The following EML6 variants were observed in gnomAD, a reference collection of about 807,000 sequenced individuals.
EML6 encodes the protein echinoderm microtubule-associated protein-like 6.
In EML6, 154 loss-of-function variants were observed where a neutral mutation model predicts 240.1. The ratio of observed to expected loss-of-function variants is 0.64; its 90% CI spans 0.56 to 0.73. EML6 has a LOEUF of 0.73. Among genes scored for constraint, EML6 ranks in the 30% least tolerant of loss-of-function variants. The pLI is 0.00. For missense variants in EML6, 2,964 were observed against 2,474.6 expected (o/e 1.20, Z -4.20); for synonymous variants, 1,148 against 899.0 (o/e 1.28, Z -4.95).
chr2:54,808,368 T>C (rs565912141), intron 2 of EML6, among the ~76,000 whole-genome samples: 9 of 152,246 alleles, frequency 5.9e-5, no homozygotes, highest in Non-Finnish European at 1.3e-4. Flanking sequence ...CCCCCTTCAA[T>C]CCCCAAAGCA....
chr2:54,737,588 C>T (rs1683453667), intron 2 of EML6, among the ~76,000 whole-genome samples: 3 of 152,192 alleles, frequency 2.0e-5, no homozygotes, highest in Non-Finnish European at 2.9e-5. Flanking sequence ...CATCTTTTCT[C>T]TCCTTTTCTC....
intron 28 of EML6, among the ~76,000 whole-genome samples, chr2:54,934,045 C>A (rs974419535): frequency 1.3e-4 from 20 of 152,246 alleles, no homozygotes; most frequent in African/African-American, 4.6e-4. Context: ...TGGTCCATAG[C>A]GTATTGTCTT....
chr2:54,796,696 G>A (rs77906075), intron 2 of EML6, among the ~76,000 whole-genome samples: 1,933 of 152,172 alleles, frequency 0.013, 24 homozygotes, highest in African/African-American at 0.033. Flanking sequence ...AGCATACTAG[G>A]CATCCAGAAA....
At position 54,725,058 on chromosome 2, in the gene EML6, TATC is replaced by T. The variant is rs1682844989; in HGVS notation, c.-1_2del. On this transcript the variant is annotated 5_prime_UTR_variant, in exon 2 of 42. Transcript: ENST00000356458. The surrounding 1 kb of genome is among the most constrained non-coding windows in gnomAD (Gnocchi z 4.3). ...GGGCGGGGGGCGCGCGGGGTCGGCT[TATC>T]ATGGCGGATCGGACGGCGCCCCGCT... 1 of 1,516,250 alleles carries T rather than the reference TATC, an allele frequency of 6.6e-7. No individual in the cohort carries two copies. Among genetic ancestry groups the T allele is most frequent in the Non-Finnish European group, 8.8e-7 (1 of 1,132,720 alleles). 93.9% of individuals were successfully genotyped at this position (1,516,250 alleles called of 1,614,324 possible).
chr2:54,806,611 CCAAAA>C (rs1670499967), intron 2 of EML6, among the ~76,000 whole-genome samples: 1 of 31,500 alleles, frequency 3.2e-5, no homozygotes, highest in East Asian at 1.0e-3. Context: ...GACTCCGTCT[CCAAAA>C]AAAAAAAAAA....
intron 16 of EML6, among the ~76,000 whole-genome samples, chr2:54,876,604 A>C (rs1458970822): frequency 6.6e-6 from 1 of 152,252 alleles, no homozygotes; most frequent in Non-Finnish European, 1.5e-5. Flanking sequence ...ACATAACTAC[A>C]CAGATTTCAA....
At chr2:54,928,570 C>T in intron 27 of EML6, 55 bp from the exon 28 acceptor site, 1 of 1,551,394 alleles carries the variant, frequency 6.4e-7, no homozygotes, top group Non-Finnish European at 8.7e-7. Flanking sequence ...CCAACACCTC[C>T]CTTCCTGGGC....
Position 54,830,918 on chromosome 2 carries a change from G to A in EML6, c.847+1441G>A, listed in dbSNP as rs543448526. On this transcript the variant is annotated intron_variant, in intron 7 of 41. Coordinates refer to ENST00000356458, the MANE Select transcript of EML6 (RefSeq NM_001039753.4). ...TTCTGAATACTAGGCACAGAGTTTG[G>A]CATAGGAAGTTGTGGAATTTGGTGT... 1.5e-3 allele frequency among the ~76,000 whole-genome samples: 234 copies of A among 152,312 alleles called. 1 individual carries two copies. Among genetic ancestry groups the A allele is most frequent in the African/African-American group, 4.8e-3 (200 of 41,556 alleles).
Position 54,970,353 on chromosome 2 carries a change from C to T in EML6, c.*258C>T, listed in dbSNP as rs1410793329. The T allele has an allele frequency of 4.2e-6, 2 of 472,144 alleles. No homozygotes were observed. Among genetic ancestry groups the T allele is most frequent in the South Asian group, 3.7e-5 (1 of 26,730 alleles). 29.2% of individuals were successfully genotyped at this position (472,144 alleles called of 1,614,324 possible). A position where few individuals can be genotyped will look rare whatever the true frequency, so the allele number is the denominator to read the frequency against. On this transcript the variant is annotated 3_prime_UTR_variant, in exon 42 of 42. Transcript: ENST00000356458. ...TCTGTTCCTGAGACTAAACAGTATA[C>T]ATACTAACTACATTGACAAAGAAAT...
At chr2:54,957,622 C>T (rs1402304343) in intron 32 of EML6, among the ~76,000 whole-genome samples, 168 bp from the exon 33 acceptor site, 2 of 152,240 alleles carry the variant, frequency 1.3e-5, no homozygotes, top group East Asian at 1.9e-4. Flanking sequence ...GCCAGACACA[C>T]TTTCCCCGCT....
chr2:54,855,309 C>T (rs1455364498), intron 11 of EML6, among the ~76,000 whole-genome samples: 1 of 152,022 alleles, frequency 6.6e-6, no homozygotes, highest in Non-Finnish European at 1.5e-5. Flanking sequence ...AAAGCCAGAG[C>T]AGGAGCAAGA....
chr2:54,888,188 A>C (rs896864461), intron 17 of EML6, among the ~76,000 whole-genome samples: 3 of 152,226 alleles, frequency 2.0e-5, no homozygotes, highest in Admixed American at 6.5e-5. Flanking sequence ...AGCAGAGGGT[A>C]ATGAGGCATG....
intron 24 of EML6, among the ~76,000 whole-genome samples, chr2:54,907,420 A>G (rs988775749): frequency 6.6e-6 from 1 of 152,132 alleles, no homozygotes; most frequent in Admixed American, 6.6e-5. Flanking sequence ...GGCCAGGAGA[A>G]TCGCTTGAAC....
At chr2:54,732,285 A>G (rs753521521) in intron 2 of EML6, among the ~76,000 whole-genome samples, 13 of 152,038 alleles carry the variant, frequency 8.6e-5, no homozygotes, top group Non-Finnish European at 1.8e-4. Flanking sequence ...TTGGAAGTAC[A>G]AAAGTTTTTC....
At chr2:54,855,767 T>A (rs2103793465) in intron 11 of EML6, among the ~76,000 whole-genome samples, 1 of 152,292 alleles carries the variant, frequency 6.6e-6, no homozygotes, top group South Asian at 2.1e-4. Context: ...TCTTGTAATT[T>A]GCCTCTGAGA....
At chr2:54,847,785 A>G (rs1669850458) in intron 9 of EML6, among the ~76,000 whole-genome samples, 162 bp downstream of exon 9, 1 of 152,208 alleles carries the variant, frequency 6.6e-6, no homozygotes, top group Middle Eastern at 3.2e-3. Context: ...CTGAAGTCCT[A>G]ACACTCTGAA....
chr2:54,774,273 T>C lies in EML6; in HGVS notation c.198-38959T>C, dbSNP rs927070267. ...TGCAAAATGTTTATTGGATCAGTAGTGATGGAAGGGAGGGCAGAGAGAGAA... is the reference window on the plus strand; with the variant it reads ...TGCAAAATGTTTATTGGATCAGTAGCGATGGAAGGGAGGGCAGAGAGAGAA... On this transcript the variant is annotated intron_variant, in intron 2 of 41. Transcript: ENST00000356458. The surrounding 1 kb of genome is among the most constrained non-coding windows in gnomAD (Gnocchi z 4.1). Among the ~76,000 whole-genome samples, 1 of 152,096 alleles carries C rather than the reference T, an allele frequency of 6.6e-6. No homozygotes were observed. Among genetic ancestry groups the C allele is most frequent in the Non-Finnish European group, 1.5e-5 (1 of 68,018 alleles).
chr2:54,735,710 A>G (rs1683357767), intron 2 of EML6, among the ~76,000 whole-genome samples: 1 of 152,222 alleles, frequency 6.6e-6, no homozygotes, highest in Non-Finnish European at 1.5e-5. Context: ...TTTTGACTGT[A>G]TTATAAGAAA....
chr2:54,725,161 A>C lies in EML6; in HGVS notation c.100A>C (p.Lys34Gln). The change falls in exon 2 of 42, where the codon AAG (lysine) becomes CAG (glutamine). Residue 34 changes from lysine (K) to glutamine (Q), a missense_variant. By Grantham distance (53) the Lys-to-Gln change is moderately conservative. Coordinates refer to ENST00000356458, the MANE Select transcript of EML6 (RefSeq NM_001039753.4). This position sits in a 1 kb window ranked among gnomAD's most constrained non-coding sequence, Gnocchi z 4.3. ...CAACAACCTGTACTACACGGCAGGCAAGGAGGTGGTCTACTTTGTGGCTGG... is the reference window on the plus strand; with the variant it reads ...CAACAACCTGTACTACACGGCAGGCCAGGAGGTGGTCTACTTTGTGGCTGG... ...CRNNLYYTAG[K>Q]EVVYFVAGVG... 6.5e-7 allele frequency: 1 copy of C among 1,534,142 alleles called. No individual in the cohort carries two copies. The highest frequency in any genetic ancestry group is 1.4e-5 in the African/African-American group (1 of 71,314).
Sources: gnomAD v4.1 joint callset for allele counts (sites outside exome capture counted in the v4.1 genomes callset) on GRCh38, gnomAD v4.1.1 for gene constraint, Gnocchi (gnomAD v3.1) non-coding constraint, MANE v1.5 for transcripts, NCBI Gene and HGNC (gene_info 2026-07-23, HGNC 2026-07-21) for gene names.